Variants in ADAM23 observed in about 807,000 individuals in gnomAD.
ADAM23 encodes disintegrin and metalloproteinase domain-containing protein 23.
In ADAM23, 33 loss-of-function variants were observed where a neutral mutation model predicts 120.1. That is an observed-to-expected ratio of 0.27 (90% CI 0.21 to 0.37). ADAM23 has a LOEUF of 0.37. Among genes scored for constraint, ADAM23 ranks in the 10% least tolerant of loss-of-function variants. ADAM23 has a pLI of 1.00. For synonymous variants in ADAM23, 367 were observed against 375.2 expected (o/e 0.98, Z 0.25); for missense variants, 862 against 1,058.2 (o/e 0.81, Z 2.57).
At chr2:206,541,527 AG>A (rs1697289551) in intron 4 of ADAM23, among the ~76,000 whole-genome samples, 1 of 152,198 alleles carries the variant, frequency 6.6e-6, no homozygotes, top group South Asian at 2.1e-4. Flanking sequence ...TGGAGGGGAA[AG>A]AGGGACAAAG....
intron 3 of ADAM23, among the ~76,000 whole-genome samples, chr2:206,513,300 A>G (rs964184330): frequency 1.3e-5 from 2 of 152,224 alleles, no homozygotes; most frequent in African/African-American, 2.4e-5. Context: ...TCTGAAGGAA[A>G]TTAAATGTGC....
intron 3 of ADAM23, among the ~76,000 whole-genome samples, chr2:206,525,717 G>T (rs1574513233): frequency 6.6e-6 from 1 of 152,028 alleles, no homozygotes; most frequent in South Asian, 2.1e-4. Context: ...TCAGCCTCCT[G>T]AGTAGCTGGG....
Position 206,550,599 on chromosome 2 carries a change from C to CT in ADAM23, c.933+457dup, listed in dbSNP as rs67340305. On this transcript the variant is annotated intron_variant, in intron 9 of 25. Coordinates refer to ENST00000264377, the MANE Select transcript of ADAM23 (RefSeq NM_003812.4). ...GTGAATATCTTTGATGACTTATCGT[C>CT]TTTTTTTTTTTTTTTTTTGTGAGAC... Among the ~76,000 whole-genome samples, 1,256 of 137,282 alleles carry CT rather than the reference C, an allele frequency of 9.1e-3. 16 individuals carry two copies. Among genetic ancestry groups the CT allele is most frequent in the East Asian group, 0.038 (182 of 4,754 alleles). 90.1% of individuals were successfully genotyped at this position (137,282 alleles called of 152,430 possible). A position where few individuals can be genotyped will look rare whatever the true frequency, so the allele number is the denominator to read the frequency against.
intron 2 of ADAM23, among the ~76,000 whole-genome samples, 173 bp from the exon 3 acceptor site, chr2:206,481,059 G>A (rs1488860301): frequency 6.6e-6 from 1 of 152,060 alleles, no homozygotes; most frequent in East Asian, 1.9e-4. Flanking sequence ...GATTTTCCTA[G>A]CAAAACCATG....
chr2:206,478,618 T>C (rs1339847175), intron 2 of ADAM23, among the ~76,000 whole-genome samples: 1 of 152,202 alleles, frequency 6.6e-6, no homozygotes, highest in Non-Finnish European at 1.5e-5. Context: ...CTTGGCCACA[T>C]GTTCTTGTTT....
chr2:206,477,893 A>ATATATATATAT (rs1199167461), intron 2 of ADAM23, among the ~76,000 whole-genome samples: 273 of 100,562 alleles, frequency 2.7e-3, no homozygotes, highest in Middle Eastern at 4.9e-3. Flanking sequence ...AAAAAAAAAA[A>ATATATATATAT]AAAAATATAT....
At chr2:206,500,153 C>T (rs1696357515) in intron 3 of ADAM23, among the ~76,000 whole-genome samples, 1 of 151,992 alleles carries the variant, frequency 6.6e-6, no homozygotes, top group Non-Finnish European at 1.5e-5. Context: ...TAGCTTAATG[C>T]CTTGTTGTGT....
intron 4 of ADAM23, among the ~76,000 whole-genome samples, chr2:206,539,134 A>C (rs1439588020): frequency 6.6e-6 from 1 of 152,208 alleles, no homozygotes. Flanking sequence ...TTATTATTTG[A>C]GCATGATATG....
intron 4 of ADAM23, among the ~76,000 whole-genome samples, 186 bp downstream of exon 4, chr2:206,531,134 A>T (rs892275175): frequency 1.3e-5 from 2 of 152,220 alleles, no homozygotes; most frequent in Non-Finnish European, 1.5e-5. Context: ...TTAGGTATTC[A>T]GGACAAAAAA....
In ADAM23 at chr2:206,468,855, A is replaced by G. The variant is rs551010194; in HGVS notation, c.433-12377A>G. Among the ~76,000 whole-genome samples the G allele has an allele frequency of 1.6e-4, 24 of 152,358 alleles. No individual in the cohort carries two copies. The East Asian group carries it at 4.2e-3, about 27-fold the overall frequency. On this transcript the variant is annotated intron_variant, in intron 2 of 25. Coordinates refer to ENST00000264377, the MANE Select transcript of ADAM23 (RefSeq NM_003812.4). The stretch of plus-strand genomic sequence containing the variant: ...TAGGCTGTACAGGAACCATGACAGC[A>G]TCTGCTTCTGGGGAAGCCTCAGGGA...
At chr2:206,609,719 G>A in intron 24 of ADAM23, 191 bp from the exon 25 acceptor site, 1 of 521,716 alleles carries the variant, frequency 1.9e-6, no homozygotes, top group South Asian at 2.7e-5. Flanking sequence ...TAGATTTAAA[G>A]GCATATAAAT....
intron 4 of ADAM23, among the ~76,000 whole-genome samples, chr2:206,535,120 C>T (rs1697144484): frequency 6.6e-6 from 1 of 152,128 alleles, no homozygotes; most frequent in African/African-American, 2.4e-5. Context: ...CTAGCTACTC[C>T]TGGGTGCAGC....
chr2:206,531,813 T>G (rs890277837), intron 4 of ADAM23, among the ~76,000 whole-genome samples: 53 of 152,192 alleles, frequency 3.5e-4, no homozygotes, highest in Non-Finnish European at 5.9e-5. Context: ...CATGTCAGCA[T>G]AAAAGTAGCA....
intron 24 of ADAM23, among the ~76,000 whole-genome samples, chr2:206,600,064 T>C (rs184743275): frequency 6.6e-6 from 1 of 152,194 alleles, no homozygotes; most frequent in African/African-American, 2.4e-5. Flanking sequence ...TAGTTGGGCG[T>C]GGTGGCAGGC....
At chr2:206,457,870 T>C (rs907203735) in intron 2 of ADAM23, among the ~76,000 whole-genome samples, 5 of 152,258 alleles carry the variant, frequency 3.3e-5, no homozygotes, top group Non-Finnish European at 1.5e-5. Flanking sequence ...TGAATTTAAT[T>C]ATAACTGGTT....
intron 22 of ADAM23, among the ~76,000 whole-genome samples, chr2:206,593,018 C>T (rs1698454807): frequency 6.6e-6 from 1 of 151,950 alleles, no homozygotes; most frequent in Non-Finnish European, 1.5e-5. Flanking sequence ...TCATTCTAAC[C>T]CATTATTAAA....
intron 2 of ADAM23, among the ~76,000 whole-genome samples, chr2:206,475,758 T>C (rs775505171): frequency 6.6e-6 from 1 of 152,024 alleles, no homozygotes; most frequent in Non-Finnish European, 1.5e-5. Flanking sequence ...TCTGAAACAT[T>C]ATAAAATGTC....
chr2:206,453,963 C>G (rs566071390), intron 2 of ADAM23, among the ~76,000 whole-genome samples: 1 of 152,340 alleles, frequency 6.6e-6, no homozygotes, highest in African/African-American at 2.4e-5. Context: ...ACCTTAAGAT[C>G]TAAGTGTTCT....
chr2:206,485,118 C>T (rs1695984879), intron 3 of ADAM23, among the ~76,000 whole-genome samples: 1 of 152,158 alleles, frequency 6.6e-6, no homozygotes, highest in Non-Finnish European at 1.5e-5. Context: ...CCATGCTGTC[C>T]TGAGCTTTCT....
Sources: allele counts gnomAD v4.1 joint callset (sites outside exome capture counted in the v4.1 genomes callset), GRCh38; gene constraint gnomAD v4.1.1; transcripts MANE v1.5; gene names NCBI Gene and HGNC (gene_info 2026-07-23, HGNC 2026-07-21).